NAT10: variants seen among roughly 807,000 people sequenced by gnomAD.
NAT10 encodes N-acetyltransferase 10, also known as RNA cytidine acetyltransferase.
In NAT10, 109 loss-of-function variants were observed where a neutral mutation model predicts 132.2. That is an observed-to-expected ratio of 0.82 (90% CI 0.71 to 0.97). The LOEUF (loss-of-function observed/expected upper bound fraction) is 0.97. NAT10 is among the 50% of genes least tolerant of loss of function. NAT10 has a pLI of 0.00. For synonymous variants in NAT10, 479 were observed against 478.0 expected (o/e 1.00, Z -0.03); for missense variants, 1,184 against 1,263.4 (o/e 0.94, Z 0.95).
chr11:34,124,982 T>A (rs759153501), intron 11 of NAT10, among the ~76,000 whole-genome samples: 2 of 152,218 alleles, frequency 1.3e-5, no homozygotes, highest in Admixed American at 6.5e-5. Context: ...CTGAGACTAA[T>A]GGGCTCTTAC....
Position 34,130,895 on chromosome 11 carries a change from A to G in NAT10, c.1327A>G (p.Thr443Ala), listed in dbSNP as rs1852091817. Residue 443 changes from threonine to alanine, a missense_variant, in exon 13 of 29, where the codon ACT becomes GCT. Physicochemically the swap from Thr to Ala is moderately conservative, Grantham distance 58. Transcript: ENST00000257829. Reference sequence around the variant, plus strand: ...GAGCGCCCAGAGCCAGGTCAGCACCACTGCTGAGAATAAGACCACGACGAC... The same window carrying G: ...GAGCGCCCAGAGCCAGGTCAGCACCGCTGCTGAGAATAAGACCACGACGAC... ...QQSAQSQVST[T>A]AENKTTTTAR... 3 of 1,614,062 alleles carry G rather than the reference A, an allele frequency of 1.9e-6. No individual in the cohort carries two copies. Among genetic ancestry groups the G allele is most frequent in the African/African-American group, 1.3e-5 (1 of 74,934 alleles).
At chr11:34,115,599 A>T (rs981325247) in intron 5 of NAT10, among the ~76,000 whole-genome samples, 1 of 152,234 alleles carries the variant, frequency 6.6e-6, no homozygotes, top group East Asian at 1.9e-4. Context: ...ATAACTTAGG[A>T]TGCTAGGAAA....
intron 19 of NAT10, among the ~76,000 whole-genome samples, chr11:34,135,692 C>T (rs1470060095): frequency 6.6e-6 from 1 of 152,182 alleles, no homozygotes; most frequent in Admixed American, 6.5e-5. Flanking sequence ...CTGTGACAGC[C>T]TTTCATGTGC....
chr11:34,115,736 T>A, intron 5 of NAT10, 87 bp from the exon 6 acceptor site: 2 of 1,337,840 alleles, frequency 1.5e-6, no homozygotes, highest in Non-Finnish European at 2.1e-6. Flanking sequence ...ATTGCCCATG[T>A]CTCCTTGGAT....
At chr11:34,123,663 C>G (rs922412029) in intron 9 of NAT10, 99 bp from the exon 10 acceptor site, 7 of 906,998 alleles carry the variant, frequency 7.7e-6, no homozygotes, top group Non-Finnish European at 1.2e-5. Context: ...CTGGTTATCA[C>G]CTTTGGGACA....
intron 13 of NAT10, among the ~76,000 whole-genome samples, 167 bp downstream of exon 13, chr11:34,131,104 C>G (rs963622961): frequency 6.6e-6 from 1 of 152,124 alleles, no homozygotes; most frequent in Non-Finnish European, 1.5e-5. Context: ...GAACAGCAGT[C>G]CAGTGACCAG....
At chr11:34,135,879 C>A (rs1052753121) in intron 19 of NAT10, among the ~76,000 whole-genome samples, 2 of 796 alleles carry the variant, frequency 2.5e-3, no homozygotes. Flanking sequence ...GGGAAGATTG[C>A]TTGAACCCCA....
intron 19 of NAT10, among the ~76,000 whole-genome samples, chr11:34,135,760 G>A (rs1414354536): frequency 6.6e-6 from 1 of 152,146 alleles, no homozygotes; most frequent in African/African-American, 2.4e-5. Flanking sequence ...TTTTATTTAA[G>A]TTGAGGCAGC....
At chr11:34,133,334 T>A (rs1197678078) in intron 16 of NAT10, among the ~76,000 whole-genome samples, 192 bp downstream of exon 16, 2 of 152,140 alleles carry the variant, frequency 1.3e-5, no homozygotes, top group Non-Finnish European at 2.9e-5. Flanking sequence ...CACCCAAAGC[T>A]CCACTGTTGA....
At position 34,135,309 on chromosome 11, in the gene NAT10, G is replaced by T. The variant is rs377216939; in HGVS notation, c.2028+18G>T. The T allele has an allele frequency of 1.3e-6, 2 of 1,596,412 alleles. No homozygotes were observed. Among genetic ancestry groups the T allele is most frequent in the African/African-American group, 1.3e-5 (1 of 74,606 alleles). On this transcript the variant is annotated intron_variant, in intron 19 of 28. Transcript: ENST00000257829. Reference sequence around the variant, plus strand: ...GCAGCGAGGTAAGCATCTTTCGACAGACCTCCTGTGTCCTGGTTCTTGGGA... The same window carrying T: ...GCAGCGAGGTAAGCATCTTTCGACATACCTCCTGTGTCCTGGTTCTTGGGA...
At chr11:34,118,576 G>C in intron 8 of NAT10, 73 bp downstream of exon 8, 1 of 1,264,106 alleles carries the variant, frequency 7.9e-7, no homozygotes, top group South Asian at 1.4e-5. Context: ...AGAAGCCAAG[G>C]TACGTTGACT....
intron 8 of NAT10, among the ~76,000 whole-genome samples, chr11:34,121,991 C>G (rs1374175238): frequency 1.3e-5 from 2 of 151,194 alleles, no homozygotes; most frequent in East Asian, 3.9e-4. Flanking sequence ...GCCTGCCCAA[C>G]ATGGTGAAAC....
rs61880389 is a variant in NAT10, at chr11:34,138,008, G to A, written c.2211+982G>A. On this transcript the variant is annotated intron_variant, in intron 21 of 28. Transcript: ENST00000257829. ...GTGAAGAACTAGAAGGGGAACAGGC[G>A]ACTCTTTCAGGAAGCGAAAGGGAGC... is the stretch of plus-strand genomic sequence containing the variant. Among the ~76,000 whole-genome samples, 505 of 152,328 alleles carry A rather than the reference G, an allele frequency of 3.3e-3. 2 individuals are homozygous for A. Among genetic ancestry groups the A allele is most frequent in the Non-Finnish European group, 4.8e-3 (327 of 68,038 alleles).
At chr11:34,116,452 T>A (rs2134158779) in intron 6 of NAT10, among the ~76,000 whole-genome samples, 1 of 152,308 alleles carries the variant, frequency 6.6e-6, no homozygotes, top group African/African-American at 2.4e-5. Flanking sequence ...GGAGTCTTGC[T>A]GTGTTGCCCA....
At chr11:34,133,891 G>A (rs1336300463) in intron 16 of NAT10, among the ~76,000 whole-genome samples, 1 of 151,752 alleles carries the variant, frequency 6.6e-6, no homozygotes, top group Admixed American at 6.6e-5. Flanking sequence ...CATGGCTCAC[G>A]CCTGTAATCC....
rs780534353 is a variant in NAT10 at position 34,130,859 on chromosome 11, C to T, written c.1291C>T (p.Leu431Phe). Residue 431 changes from leucine (L) to phenylalanine (F), a missense_variant, in exon 13 of 29, where the codon CTC becomes TTC. By Grantham distance (22) the Leu-to-Phe change is conservative. Coordinates refer to ENST00000257829, the MANE Select transcript of NAT10 (RefSeq NM_024662.3). Reference sequence around the variant, plus strand: ...ACTGTCCCTCAAGCTAATTCAGCAGCTCCGTCAACAGAGCGCCCAGAGCCA... The same window carrying T: ...ACTGTCCCTCAAGCTAATTCAGCAGTTCCGTCAACAGAGCGCCCAGAGCCA... ...RSLSLKLIQQ[L>F]RQQSAQSQVS... 2 of 1,614,196 alleles carry T rather than the reference C, an allele frequency of 1.2e-6. No homozygotes were observed. Among genetic ancestry groups the T allele is most frequent in the Admixed American group, 1.7e-5 (1 of 60,020 alleles).
Position 34,112,162 on chromosome 11 carries a change from A to G in NAT10, c.311A>G (p.Tyr104Cys), listed in dbSNP as rs773735710. ...ELFIAATNIR[Y>C]CYYNETHKIL... ...TTCATAGCAGCCACAAACATTCGCT[A>G]CTGCTACTACAACGAGACCCACAAG... Residue 104 changes from tyrosine to cysteine, a missense_variant, in exon 4 of 29, where the codon TAC becomes TGC. Coordinates refer to ENST00000257829, the MANE Select transcript of NAT10 (RefSeq NM_024662.3). The G allele has an allele frequency of 1.2e-6, 2 of 1,614,238 alleles. No homozygotes were observed. Among genetic ancestry groups the G allele is most frequent in the Non-Finnish European group, 1.7e-6 (2 of 1,180,050 alleles).
At chr11:34,136,532 C>G in intron 19 of NAT10, 110 bp from the exon 20 acceptor site, 2 of 1,319,986 alleles carry the variant, frequency 1.5e-6, no homozygotes, top group Non-Finnish European at 2.1e-6. Context: ...ACCAAGAAAC[C>G]TCTCCCAGTT....
chr11:34,123,414 C>T (rs1452100238), intron 9 of NAT10, among the ~76,000 whole-genome samples: 2 of 152,254 alleles, frequency 1.3e-5, no homozygotes, highest in East Asian at 1.9e-4. Flanking sequence ...GCCTGAGCAC[C>T]GATTGAGCTC....
Sources: allele counts gnomAD v4.1 joint callset (sites outside exome capture counted in the v4.1 genomes callset), GRCh38; gene constraint gnomAD v4.1.1; transcripts MANE v1.5; gene names NCBI Gene and HGNC (gene_info 2026-07-23, HGNC 2026-07-21).